TSEN15: variants seen among roughly 807,000 people sequenced by gnomAD.
TSEN15 encodes tRNA splicing endonuclease subunit 15, also known as tRNA-splicing endonuclease subunit Sen15.
In TSEN15, 10 loss-of-function variants were observed where a neutral mutation model predicts 20.5. That is an observed-to-expected ratio of 0.49 (90% confidence interval 0.30 to 0.83). The LOEUF (loss-of-function observed/expected upper bound fraction) is 0.83. Among genes scored for constraint, TSEN15 ranks in the 40% least tolerant of loss-of-function variants. The probability of loss-of-function intolerance (pLI) is 0.06; values close to 1 mark genes in which losing one functional copy is unlikely to be tolerated. For missense variants in TSEN15, 180 were observed against 218.6 expected, an observed-to-expected ratio of 0.82 and a Z score of 1.11; for synonymous variants, 72 against 80.1, an observed-to-expected ratio of 0.90 and a Z score of 0.54.
intron 1 of TSEN15, among the ~76,000 whole-genome samples, chr1:184,053,594 C>T (rs1290824395): frequency 6.6e-6 from 1 of 152,218 alleles, no homozygotes; most frequent in Non-Finnish European, 1.5e-5. Flanking sequence ...TAATTCAACT[C>T]AGCATTAGCC....
At chr1:184,070,257 A>G (rs572360828) in intron 3 of TSEN15, among the ~76,000 whole-genome samples, 1 of 152,110 alleles carries the variant, frequency 6.6e-6, no homozygotes, top group African/African-American at 2.4e-5. Flanking sequence ...ACACACACAT[A>G]CAAACACACC....
intron 3 of TSEN15, among the ~76,000 whole-genome samples, chr1:184,063,580 CT>C (rs1280350525): frequency 5.9e-5 from 9 of 152,098 alleles, no homozygotes; most frequent in Non-Finnish European, 1.3e-4. Context: ...AATGTACTCT[CT>C]TTTCCTCATA....
At chr1:184,079,681 A>T (rs1651127098) in intron 3 of TSEN15, among the ~76,000 whole-genome samples, 3 of 152,182 alleles carry the variant, frequency 2.0e-5, no homozygotes, top group South Asian at 2.1e-4. Context: ...CATCCTTATG[A>T]CATCATTAAC....
chr1:184,095,611 G>A, intron 3 of TSEN15: 1 of 394,632 alleles, frequency 2.5e-6, no homozygotes, highest in Non-Finnish European at 4.5e-6. Context: ...GGATACCAGA[G>A]ATCTCTATCT....
Position 184,051,851 on chromosome 1 carries a change from G to A in TSEN15, c.96G>A (p.Ser32=), listed in dbSNP as rs1212759650. The change falls in exon 1 of 5, where the codon TCG becomes TCA. Residue 32 remains serine, a synonymous_variant. Transcript: ENST00000645668. ...RGFGDGGGAP[S]WAPEDAWMGT... ...TTGGCGACGGCGGTGGAGCTCCTTCGTGGGCCCCTGAGGACGCCTGGATGG... is the reference window on the plus strand; with the variant it reads ...TTGGCGACGGCGGTGGAGCTCCTTCATGGGCCCCTGAGGACGCCTGGATGG... The A allele has an allele frequency of 2.6e-6, 4 of 1,552,338 alleles. No homozygotes were observed. The highest frequency in any genetic ancestry group is 1.9e-5 in the Admixed American group (1 of 52,410).
At chr1:184,095,956 ATAAT>A in exon 4 of TSEN15, 2 of 382,224 alleles carry the variant, frequency 5.2e-6, no homozygotes, top group Non-Finnish European at 9.2e-6. Context: ...TACCATATAA[ATAAT>A]TATTGATAAT....
intron 3 of TSEN15, chr1:184,095,154 G>C: frequency 2.5e-6 from 1 of 398,264 alleles, no homozygotes; most frequent in Non-Finnish European, 4.4e-6. Context: ...TGACTTGTTT[G>C]ACTGAACAGA....
At chr1:184,083,090 G>A (rs1651198427) in intron 3 of TSEN15, among the ~76,000 whole-genome samples, 1 of 152,102 alleles carries the variant, frequency 6.6e-6, no homozygotes, top group Non-Finnish European at 1.5e-5. Context: ...TAATGATAAT[G>A]CAGTATTTGA....
In TSEN15 at chr1:184,072,834, C is replaced by A; in HGVS notation, c.503C>A (p.Ser168Tyr). 6.2e-7 allele frequency: 1 copy of A among 1,601,470 alleles called. No homozygotes were observed. Among genetic ancestry groups the A allele is most frequent in the Non-Finnish European group, 8.5e-7 (1 of 1,175,642 alleles). Residue 168 changes from serine to tyrosine, a missense_variant, in exon 5 of 5, where the codon TCT (serine) becomes TAT (tyrosine). Coordinates refer to ENST00000645668, the MANE Select transcript of TSEN15 (RefSeq NM_052965.4). Reference sequence around the variant, plus strand: ...GATCTTTTTTTTTTCCAGAATATTTCTCTTAGAAGATGACATCCATGTTTC... The same window carrying A: ...GATCTTTTTTTTTTCCAGAATATTTATCTTAGAAGATGACATCCATGTTTC... ...GFMLPDPQNI[S>Y]LRR
At chr1:184,053,757 C>G (rs1650138712) in intron 1 of TSEN15, among the ~76,000 whole-genome samples, 1 of 152,202 alleles carries the variant, frequency 6.6e-6, no homozygotes, top group Non-Finnish European at 1.5e-5. Context: ...AAAATCTACT[C>G]TTAAAGTGAG....
At chr1:184,052,225 A>T (rs893971813) in intron 1 of TSEN15, among the ~76,000 whole-genome samples, 1 of 152,202 alleles carries the variant, frequency 6.6e-6, no homozygotes, top group African/African-American at 2.4e-5. Flanking sequence ...TTTAATCCTC[A>T]CGGTAACCAT....
chr1:184,096,083 G>A (rs2101950062), exon 4 of TSEN15: 1 of 232,950 alleles, frequency 4.3e-6, no homozygotes, highest in Admixed American at 5.6e-5. Flanking sequence ...AATCCACTTT[G>A]AGCTTCTGAT....
Position 184,054,861 on chromosome 1 carries a change from C to T in TSEN15, c.351C>T (p.Asn117=). 1 of 1,607,574 alleles carries T rather than the reference C, an allele frequency of 6.2e-7. No homozygotes were observed. The highest frequency in any genetic ancestry group is 8.5e-7 in the Non-Finnish European group (1 of 1,177,166). ...CCATCACTGCTTCCCTCAGCCATAA[C>T]AGGTGAGCAGGTGATTTTGGTCTAA... ...PTPITASLSH[N]RIREILKASR... Residue 117 remains asparagine, a splice_region_variant and synonymous_variant, in exon 3 of 5, where the codon AAC becomes AAT. Transcript: ENST00000645668.
intron 3 of TSEN15, among the ~76,000 whole-genome samples, chr1:184,079,346 T>C (rs1651121025): frequency 6.6e-6 from 1 of 152,184 alleles, no homozygotes; most frequent in African/African-American, 2.4e-5. Context: ...TCAGTTTATC[T>C]TCAGACATTA....
intron 3 of TSEN15, among the ~76,000 whole-genome samples, chr1:184,064,257 A>G (rs931713615): frequency 6.6e-6 from 1 of 152,188 alleles, no homozygotes; most frequent in African/African-American, 2.4e-5. Flanking sequence ...CTGGAGGACA[A>G]GATGTTTGAA....
At chr1:184,080,194 A>G (rs1366402111) in intron 3 of TSEN15, among the ~76,000 whole-genome samples, 2 of 152,208 alleles carry the variant, frequency 1.3e-5, no homozygotes, top group Admixed American at 1.3e-4. Context: ...ATATAAATGC[A>G]AAGTTATAAT....
At chr1:184,079,278 T>C (rs762110685) in intron 3 of TSEN15, among the ~76,000 whole-genome samples, 1 of 152,188 alleles carries the variant, frequency 6.6e-6, no homozygotes, top group Non-Finnish European at 1.5e-5. Context: ...AGATTGGCCT[T>C]TTAGGTTTCT....
chr1:184,097,222 G>A (rs1265622675), exon 4 of TSEN15: 1 of 152,182 alleles, frequency 6.6e-6, no homozygotes, highest in African/African-American at 2.4e-5. Flanking sequence ...TGGGAAGGGG[G>A]TTACATTGGC....
At chr1:184,069,810 G>A (rs562909613) in intron 3 of TSEN15, among the ~76,000 whole-genome samples, 1 of 152,044 alleles carries the variant, frequency 6.6e-6, no homozygotes, top group South Asian at 2.1e-4. Flanking sequence ...TTGAAAAATC[G>A]ACTAGAAGAG....
Sources: gnomAD v4.1 joint callset for allele counts (sites outside exome capture counted in the v4.1 genomes callset) on GRCh38, gnomAD v4.1.1 for gene constraint, MANE v1.5 for transcripts, NCBI Gene and HGNC (gene_info 2026-07-23, HGNC 2026-07-21) for gene names.